The following PTPRT variants were observed in gnomAD, a reference collection of about 807,000 sequenced individuals.
PTPRT encodes the protein protein tyrosine phosphatase receptor type T.
PTPRT carries 56 observed loss-of-function variants against 176.8 expected under a neutral mutation model. The observed-to-expected ratio is 0.32, with a 90% CI of 0.26 to 0.40. PTPRT has a LOEUF of 0.40. Ranked by LOEUF, PTPRT falls within the 10% of genes least tolerant of loss-of-function variation. PTPRT has a pLI of 1.00. For synonymous variants in PTPRT, 783 were observed against 739.0 expected, an observed-to-expected ratio of 1.06 and a Z score of -0.96; for missense variants, 1,540 against 1,908.2, an observed-to-expected ratio of 0.81 and a Z score of 3.60.
intron 15 of PTPRT, among the ~76,000 whole-genome samples, chr20:42,225,960 T>C (rs1161800536): frequency 6.6e-6 from 1 of 152,186 alleles, no homozygotes; most frequent in African/African-American, 2.4e-5. Context: ...GCCAAATGTG[T>C]CATTTCTTTA....
intron 1 of PTPRT, among the ~76,000 whole-genome samples, chr20:43,087,935 T>C (rs1395038871): frequency 2.6e-5 from 4 of 152,122 alleles, no homozygotes; most frequent in Non-Finnish European, 4.4e-5. Flanking sequence ...GGTTACAAAA[T>C]TACAGCTAGA....
intron 1 of PTPRT, among the ~76,000 whole-genome samples, chr20:43,011,891 CTT>C (rs763467342): frequency 1.3e-5 from 2 of 152,192 alleles, no homozygotes; most frequent in Non-Finnish European, 2.9e-5. Flanking sequence ...CTTGCTGAGT[CTT>C]CCGGCCTTCA....
intron 7 of PTPRT, among the ~76,000 whole-genome samples, chr20:42,610,785 C>G (rs1318312660): frequency 6.6e-6 from 1 of 152,204 alleles, no homozygotes; most frequent in Non-Finnish European, 1.5e-5. Flanking sequence ...ATGCAGCCAT[C>G]ATTGTAAGTC....
At chr20:42,617,316 T>C (rs1368596012) in intron 7 of PTPRT, among the ~76,000 whole-genome samples, 1 of 136,972 alleles carries the variant, frequency 7.3e-6, no homozygotes, top group Non-Finnish European at 1.5e-5. Flanking sequence ...ATAAGCTTTT[T>C]GATGTGCTGC....
chr20:42,417,549 G>A (rs1462486861), intron 9 of PTPRT, among the ~76,000 whole-genome samples: 2 of 150,962 alleles, frequency 1.3e-5, no homozygotes, highest in Admixed American at 1.3e-4. Context: ...TAATCTCCCT[G>A]GAATTTTTAG....
chr20:42,217,868 C>T (rs912811747), intron 15 of PTPRT, among the ~76,000 whole-genome samples: 3 of 152,198 alleles, frequency 2.0e-5, no homozygotes, highest in Admixed American at 6.5e-5. Flanking sequence ...GCAGATACTA[C>T]CATGTGCTTA....
intron 1 of PTPRT, among the ~76,000 whole-genome samples, chr20:43,152,304 TC>T (rs2014381265): frequency 6.6e-6 from 1 of 152,272 alleles, no homozygotes; most frequent in Admixed American, 6.5e-5. Flanking sequence ...TCTGTCTTTT[TC>T]CCCTAGTATC....
rs148586683 is a variant in PTPRT, at chr20:42,137,482, G to A, written c.2770+4433C>T. Among the ~76,000 whole-genome samples, 1,006 of 152,262 alleles carry A rather than the reference G, an allele frequency of 6.6e-3. 4 individuals carry two copies. The highest frequency in any genetic ancestry group is 0.01 in the Middle Eastern group (3 of 294). On this transcript the variant is annotated intron_variant, in intron 18 of 30. Coordinates refer to ENST00000373187, the MANE Select transcript of PTPRT (RefSeq NM_007050.6). ...CAACACATTCTCCCCCAGGAACATG[G>A]ATGTGACTTGATGCAGAGAGGACTC... is the stretch of plus-strand genomic sequence containing the variant.
Position 42,256,202 on chromosome 20 carries a change from C to T in PTPRT, c.2177-7380G>A, listed in dbSNP as rs192166538. Among the ~76,000 whole-genome samples, 174 of 152,244 alleles carry T rather than the reference C, an allele frequency of 1.1e-3. No homozygotes were observed. The Middle Eastern group carries it at 0.014, about 12-fold the overall frequency. ...TGCTGGGCAACTTTCTGGCTCTTCT[C>T]AAGTCAGGTAAGCACCATAAACCTT... is the stretch of plus-strand genomic sequence containing the variant. On this transcript the variant is annotated intron_variant, in intron 13 of 30. Transcript: ENST00000373187.
At chr20:42,996,167 A>G (rs1439089006) in intron 1 of PTPRT, among the ~76,000 whole-genome samples, 1 of 152,144 alleles carries the variant, frequency 6.6e-6, no homozygotes, top group African/African-American at 2.4e-5. Context: ...GCTTCCAGGC[A>G]TATTAGGCAG....
In PTPRT at chr20:43,016,552, C is replaced by CTTTTTTTTTTTTTTTTTTTTT. The variant is rs11482189; in HGVS notation, c.89-130641_89-130621dup. On this transcript the variant is annotated intron_variant, in intron 1 of 30. Transcript: ENST00000373187. ...CATTTCTCTAACTGCTCTAAGGCCA[C>CTTTTTTTTTTTTTTTTTTTTT]TTTTTTTTTTTTTTTTTTTTTTTTT... Among the ~76,000 whole-genome samples, 4 of 76,236 alleles carry CTTTTTTTTTTTTTTTTTTTTT rather than the reference C, an allele frequency of 5.2e-5. 1 individual carries two copies. The highest frequency in any genetic ancestry group is 2.8e-4 in the African/African-American group (4 of 14,284). The allele number at this position is 76,236 out of a possible 152,430, so 50.0% of individuals were successfully genotyped here.
At chr20:43,150,508 G>A (rs1220990441) in intron 1 of PTPRT, among the ~76,000 whole-genome samples, 4 of 151,986 alleles carry the variant, frequency 2.6e-5, no homozygotes, top group African/African-American at 9.7e-5. Flanking sequence ...CCAGGCTGGA[G>A]TACAGTGGCA....
intron 7 of PTPRT, among the ~76,000 whole-genome samples, chr20:42,635,085 A>G (rs919512816): frequency 2.0e-5 from 3 of 152,252 alleles, no homozygotes; most frequent in East Asian, 3.9e-4. Flanking sequence ...GCTAATTTGA[A>G]CACTAGATGG....
rs542545684 is a variant in PTPRT at position 42,075,859 on chromosome 20, A to T, written c.*5020T>A. On this transcript the variant is annotated 3_prime_UTR_variant, in exon 31 of 31. Transcript: ENST00000373187. Reference sequence around the variant, plus strand: ...GGAAATGCATCATCTTTTGCCCCAGACACTGAGATTTGCCCTTGTTCCAAG... The same window carrying T: ...GGAAATGCATCATCTTTTGCCCCAGTCACTGAGATTTGCCCTTGTTCCAAG... 1 of 205,012 alleles carries T rather than the reference A, an allele frequency of 4.9e-6. No individual in the cohort carries two copies. The highest frequency in any genetic ancestry group is 2.3e-5 in the African/African-American group (1 of 43,716). The allele number at this position is 205,012 out of a possible 1,614,324, so 12.7% of individuals were successfully genotyped here.
intron 2 of PTPRT, among the ~76,000 whole-genome samples, chr20:42,822,705 G>GA (rs370683257): frequency 0.022 from 3,365 of 151,796 alleles, 114 homozygotes; most frequent in African/African-American, 0.076. Context: ...ATATTTACAA[G>GA]AAAAAAACAA....
At chr20:42,084,877 G>T (rs1305750226) in intron 28 of PTPRT, 32 bp from the exon 29 acceptor site, 1 of 1,369,418 alleles carries the variant, frequency 7.3e-7, no homozygotes, top group Non-Finnish European at 9.6e-7. Context: ...GGGCTGTTCT[G>T]CTGGGGATGC....
chr20:42,036,507 G>A, the PTPRT span, among the ~76,000 whole-genome samples: 23 of 152,176 alleles, frequency 1.5e-4, no homozygotes, highest in Non-Finnish European at 1.6e-4. Context: ...TTCTCCCTGG[G>A]TGTGTCTGAT....
intron 1 of PTPRT, among the ~76,000 whole-genome samples, chr20:43,102,313 C>CACACACACACAT (rs1259977718): frequency 2.0e-5 from 3 of 151,766 alleles, no homozygotes; most frequent in African/African-American, 7.3e-5. Context: ...CACACACACA[C>CACACACACACAT]ACACACATAC....
At chr20:42,437,071 G>C (rs1412290332) in intron 9 of PTPRT, among the ~76,000 whole-genome samples, 1 of 152,216 alleles carries the variant, frequency 6.6e-6, no homozygotes, top group Non-Finnish European at 1.5e-5. Context: ...AGGAAGATGG[G>C]ATGGGGAGAC....
Sources: gnomAD v4.1 joint callset for allele counts (sites outside exome capture counted in the v4.1 genomes callset) on GRCh38, gnomAD v4.1.1 for gene constraint, MANE v1.5 for transcripts, NCBI Gene and HGNC (gene_info 2026-07-23, HGNC 2026-07-21) for gene names.